The following TENM3 variants were observed in gnomAD, a reference collection of about 807,000 sequenced individuals.
TENM3 encodes teneurin-3.
A neutral mutation model predicts 255.1 loss-of-function variants in TENM3; 63 were observed. The observed-to-expected ratio is 0.25, with a 90% CI of 0.20 to 0.30. The LOEUF is 0.30. Among genes scored for constraint, TENM3 ranks in the 10% least tolerant of loss-of-function variants. The probability of loss-of-function intolerance (pLI) is 1.00; values close to 1 mark genes in which losing one functional copy is unlikely to be tolerated. For missense variants in TENM3, 2,929 were observed against 3,461.1 expected (o/e 0.85, Z 3.86); for synonymous variants, 1,306 against 1,322.3 (o/e 0.99, Z 0.27).
the TENM3 span, among the ~76,000 whole-genome samples, chr4:181,448,352 T>C: frequency 6.7e-6 from 1 of 149,604 alleles, no homozygotes; most frequent in East Asian, 2.0e-4. Flanking sequence ...TTTGTATTTT[T>C]AGTAGAGACG....
the TENM3 span, among the ~76,000 whole-genome samples, chr4:182,099,446 C>A: frequency 6.6e-6 from 1 of 152,078 alleles, no homozygotes. Flanking sequence ...AGCCTATAGG[C>A]CATATTCAGC....
chr4:181,875,066 T>G, the TENM3 span, among the ~76,000 whole-genome samples: 1 of 152,330 alleles, frequency 6.6e-6, no homozygotes, highest in Non-Finnish European at 1.5e-5. Flanking sequence ...TTTTCATGTT[T>G]TTTAGTGATA....
intron 3 of TENM3, among the ~76,000 whole-genome samples, chr4:182,484,291 A>G (rs1395146237): frequency 6.6e-6 from 1 of 152,190 alleles, no homozygotes; most frequent in Non-Finnish European, 1.5e-5. Context: ...GAGGTCATGC[A>G]GCTAGTCAGT....
the TENM3 span, among the ~76,000 whole-genome samples, chr4:181,566,620 G>A: frequency 6.6e-6 from 1 of 152,104 alleles, no homozygotes; most frequent in African/African-American, 2.4e-5. Context: ...TTCTCATCTG[G>A]TAACTGTCCA....
At chr4:182,553,387 G>A (rs1742258343) in intron 3 of TENM3, among the ~76,000 whole-genome samples, 1 of 127,144 alleles carries the variant, frequency 7.9e-6, no homozygotes, top group Non-Finnish European at 1.6e-5. Context: ...TCGTGGGGTG[G>A]GGGGAGGGGG....
At chr4:182,373,003 G>C (rs1167499895) in intron 3 of TENM3, among the ~76,000 whole-genome samples, 1 of 152,216 alleles carries the variant, frequency 6.6e-6, no homozygotes, top group East Asian at 1.9e-4. Context: ...GCCTCCCAAA[G>C]TGCTGAGATT....
At chr4:182,500,007 G>C (rs1223432789) in intron 3 of TENM3, among the ~76,000 whole-genome samples, 2 of 152,148 alleles carry the variant, frequency 1.3e-5, no homozygotes, top group Non-Finnish European at 2.9e-5. Flanking sequence ...CCAAACGAGT[G>C]AAAAGTAATT....
At chr4:181,911,250 A>C in the TENM3 span, among the ~76,000 whole-genome samples, 1 of 152,102 alleles carries the variant, frequency 6.6e-6, no homozygotes, top group South Asian at 2.1e-4. Context: ...TTTCCAATGA[A>C]CTCCAAAGAA....
At chr4:181,573,189 G>A in the TENM3 span, among the ~76,000 whole-genome samples, 24 of 152,210 alleles carry the variant, frequency 1.6e-4, no homozygotes, top group South Asian at 3.5e-3. Flanking sequence ...TGTGAATAGC[G>A]CTGCAGTAAA....
At chr4:182,318,841 C>T (rs967969783) in intron 1 of TENM3, among the ~76,000 whole-genome samples, 2 of 152,162 alleles carry the variant, frequency 1.3e-5, no homozygotes, top group African/African-American at 4.8e-5. Flanking sequence ...GATCATGGCT[C>T]GCTCTGTCCT....
the TENM3 span, among the ~76,000 whole-genome samples, chr4:181,952,539 C>T: frequency 6.6e-6 from 1 of 152,138 alleles, no homozygotes; most frequent in Non-Finnish European, 1.5e-5. Context: ...GTGATAGACA[C>T]CAATATTCGG....
chr4:182,575,706 A>G lies in TENM3; in HGVS notation c.512-25218A>G, dbSNP rs564225004. On this transcript the variant is annotated intron_variant, in intron 3 of 27. Coordinates refer to ENST00000511685, the MANE Select transcript of TENM3 (RefSeq NM_001080477.4). ...GTTTATTTTAAATATTCTAAAAAGC[A>G]CCACTTTGGTATCATGCTTCTCTAT... is the stretch of plus-strand genomic sequence containing the variant. Among the ~76,000 whole-genome samples the G allele has an allele frequency of 4.1e-4, 63 of 152,334 alleles. 1 individual carries two copies. Among genetic ancestry groups the G allele is most frequent in the Non-Finnish European group, 7.9e-4 (54 of 68,040 alleles).
intron 1 of TENM3, among the ~76,000 whole-genome samples, chr4:182,195,835 A>T (rs555261283): frequency 6.6e-6 from 1 of 152,152 alleles, no homozygotes; most frequent in Non-Finnish European, 1.5e-5. Context: ...AACACTAATT[A>T]TTACTATTTA....
chr4:182,519,565 C>T (rs1035209604), intron 3 of TENM3, among the ~76,000 whole-genome samples: 4 of 152,146 alleles, frequency 2.6e-5, no homozygotes, highest in Admixed American at 1.3e-4. Context: ...TTGCCTGAGA[C>T]GTTACATTTG....
chr4:182,030,957 C>T, the TENM3 span, among the ~76,000 whole-genome samples: 1 of 152,068 alleles, frequency 6.6e-6, no homozygotes, highest in Admixed American at 6.5e-5. Flanking sequence ...GGGAATTAGA[C>T]CTTTGTCAGG....
the TENM3 span, among the ~76,000 whole-genome samples, chr4:181,893,625 A>T: frequency 6.6e-6 from 1 of 151,922 alleles, no homozygotes; most frequent in Non-Finnish European, 1.5e-5. Context: ...TGACATTTAT[A>T]TTTGTGCTTT....
At chr4:182,369,773 C>T (rs1049270980) in intron 3 of TENM3, among the ~76,000 whole-genome samples, 2 of 151,786 alleles carry the variant, frequency 1.3e-5, no homozygotes, top group South Asian at 2.1e-4. Context: ...TTCAGCTACT[C>T]GGGAGGCTGA....
the TENM3 span, among the ~76,000 whole-genome samples, chr4:181,457,665 A>G: frequency 5.3e-5 from 8 of 151,952 alleles, no homozygotes; most frequent in Non-Finnish European, 1.2e-4. Context: ...TAGATAGTCT[A>G]TATGTGACAC....
chr4:181,765,032 C>G, the TENM3 span, among the ~76,000 whole-genome samples: 1 of 152,158 alleles, frequency 6.6e-6, no homozygotes, highest in African/African-American at 2.4e-5. Context: ...TCATCATGCT[C>G]CCTAAGAATG....
Sources: gnomAD v4.1 joint callset for allele counts (sites outside exome capture counted in the v4.1 genomes callset) on GRCh38, gnomAD v4.1.1 for gene constraint, MANE v1.5 for transcripts, NCBI Gene and HGNC (gene_info 2026-07-23, HGNC 2026-07-21) for gene names.